The following NKAPL variants were observed in gnomAD, a reference collection of about 807,000 sequenced individuals.
The protein encoded by NKAPL is NFKB activating protein like.
In NKAPL, 7 loss-of-function variants were observed where a neutral mutation model predicts 14.7. The observed-to-expected ratio is 0.48, with a 90% CI of 0.27 to 0.89. The LOEUF is 0.89. NKAPL is among the 40% of genes least tolerant of loss of function. The probability of loss-of-function intolerance (pLI) is 0.12; values close to 1 mark genes in which losing one functional copy is unlikely to be tolerated. For missense variants in NKAPL, 466 were observed against 494.1 expected (o/e 0.94, Z 0.54); for synonymous variants, 192 against 179.9 (o/e 1.07, Z -0.54).
chr6:28,259,824 T>A lies in NKAPL; in HGVS notation c.453T>A (p.His151Gln), dbSNP rs760758361. The A allele has an allele frequency of 1.1e-5, 18 of 1,614,028 alleles. No individual in the cohort carries two copies. The highest frequency in any genetic ancestry group is 1.7e-6 in the Non-Finnish European group (2 of 1,180,032). The change falls in exon 1 of 1, where the codon CAT becomes CAA. Residue 151 changes from histidine to glutamine, a missense_variant. His to Gln is a conservative substitution (Grantham distance 24, BLOSUM62 0). Coordinates refer to ENST00000343684, the MANE Select transcript of NKAPL (RefSeq NM_001007531.3). Reference sequence around the variant, plus strand: ...TCCCTCAGCTAGATTCTGACGAACATACCCCAGTTGAGGATGAAGAAGAGG... The same window carrying A: ...TCCCTCAGCTAGATTCTGACGAACAAACCCCAGTTGAGGATGAAGAAGAGG... ...PKFPQLDSDEHTPVEDEEEVT... is the reference protein window; with the variant it reads ...PKFPQLDSDEQTPVEDEEEVT...
Position 28,260,444 on chromosome 6 carries a change from A to G in NKAPL, c.1073A>G (p.Asn358Ser). ...RMEAVRLRKENQIYSADEKRA... is the reference protein window; with the variant it reads ...RMEAVRLRKESQIYSADEKRA... ...GAGGCTGTACGACTGCGTAAGGAGA[A>G]CCAGATCTACAGTGCTGATGAGAAG... The change falls in exon 1 of 1, where the codon AAC (asparagine) becomes AGC (serine). Residue 358 changes from asparagine to serine, a missense_variant. Physicochemically the swap from Asn to Ser is conservative, Grantham distance 46. Coordinates refer to ENST00000343684, the MANE Select transcript of NKAPL (RefSeq NM_001007531.3). The G allele has an allele frequency of 1.2e-6, 2 of 1,614,126 alleles. No individual in the cohort carries two copies. The highest frequency in any genetic ancestry group is 2.2e-5 in the East Asian group (1 of 44,870).
In NKAPL at chr6:28,260,399, G is replaced by T; in HGVS notation, c.1028G>T (p.Gly343Val). The change falls in exon 1 of 1, where the codon GGT (glycine) becomes GTT (valine). Residue 343 changes from glycine (G) to valine (V), a missense_variant. Gly to Val is a moderately radical substitution (Grantham distance 109). Coordinates refer to ENST00000343684, the MANE Select transcript of NKAPL (RefSeq NM_001007531.3). ...SFECSGYVMSGSRHRRMEAVR... is the reference protein window; with the variant it reads ...SFECSGYVMSVSRHRRMEAVR... The stretch of plus-strand genomic sequence containing the variant: ...GAATGCTCAGGTTATGTCATGAGTG[G>T]TAGCAGGCATCGCAGAATGGAGGCT... The T allele has an allele frequency of 6.2e-7, 1 of 1,614,170 alleles. No individual in the cohort carries two copies. Among genetic ancestry groups the T allele is most frequent in the Non-Finnish European group, 8.5e-7 (1 of 1,180,036 alleles).
At position 28,260,364 on chromosome 6, in the gene NKAPL, C is replaced by T. The variant is rs140336392; in HGVS notation, c.993C>T (p.Ile331=). ...RGEIGLTSEE[I]GSFECSGYVM... Reference sequence around the variant, plus strand: ...AAATTGGGTTGACAAGTGAAGAGATCGGTTCTTTTGAATGCTCAGGTTATG... The same window carrying T: ...AAATTGGGTTGACAAGTGAAGAGATTGGTTCTTTTGAATGCTCAGGTTATG... The change falls in exon 1 of 1, where the codon ATC becomes ATT. Residue 331 remains isoleucine (I), a synonymous_variant. Coordinates refer to ENST00000343684, the MANE Select transcript of NKAPL (RefSeq NM_001007531.3). 6.8e-6 allele frequency: 11 copies of T among 1,613,968 alleles called. No homozygotes were observed. The South Asian group carries it at 9.9e-5, about 14-fold the overall frequency.
Position 28,260,119 on chromosome 6 carries a change from G to T in NKAPL, c.748G>T (p.Asp250Tyr), listed in dbSNP as rs1269535354. The change falls in exon 1 of 1, where the codon GAC becomes TAC. Residue 250 changes from aspartate (D) to tyrosine (Y), a missense_variant. Physicochemically the swap from Asp to Tyr is radical, Grantham distance 160 (BLOSUM62 -3). Coordinates refer to ENST00000343684, the MANE Select transcript of NKAPL (RefSeq NM_001007531.3). ...KNKKTKKESS[D>Y]SSCKDSEEDL... ...TAAGAAAACCAAAAAAGAATCCAGT[G>T]ACTCAAGCTGTAAAGACTCAGAAGA... 2 of 1,594,940 alleles carry T rather than the reference G, an allele frequency of 1.3e-6. No individual in the cohort carries two copies. The highest frequency in any genetic ancestry group is 1.8e-5 in the Admixed American group (1 of 54,644).
chr6:28,260,307 A>G lies in NKAPL; in HGVS notation c.936A>G (p.Val312=). 6.2e-7 allele frequency: 1 copy of G among 1,614,236 alleles called. No individual in the cohort carries two copies. Among genetic ancestry groups the G allele is most frequent in the Non-Finnish European group, 8.5e-7 (1 of 1,180,032 alleles). The part of the protein sequence containing the change: ...PGEGAAMAEY[V]KAGKRIPRRG... ...AAGGTGCAGCTATGGCTGAGTATGT[A>G]AAAGCTGGAAAGCGAATCCCACGAA... is the stretch of plus-strand genomic sequence containing the variant. Residue 312 remains valine, a synonymous_variant, in exon 1 of 1, where the codon GTA becomes GTG. Coordinates refer to ENST00000343684, the MANE Select transcript of NKAPL (RefSeq NM_001007531.3).
Position 28,260,034 on chromosome 6 carries a change from G to A in NKAPL, c.663G>A (p.Lys221=). The change falls in exon 1 of 1, where the codon AAG becomes AAA. Residue 221 remains lysine, a synonymous_variant. Transcript: ENST00000343684. ...ATTCTGACTCTGATGATGATAAAAA[G>A]AGAGTTAAAGCCAAGAAGAAAAAGA... ...DTNSDSDDDK[K]RVKAKKKKKK... 1 of 1,592,514 alleles carries A rather than the reference G, an allele frequency of 6.3e-7. No homozygotes were observed. Among genetic ancestry groups the A allele is most frequent in the East Asian group, 2.2e-5 (1 of 44,804 alleles).
chr6:28,259,365 G>A lies in NKAPL; in HGVS notation c.-7G>A, dbSNP rs753139756. On this transcript the variant is annotated 5_prime_UTR_variant, in exon 1 of 1. Coordinates refer to ENST00000343684, the MANE Select transcript of NKAPL (RefSeq NM_001007531.3). ...TGTAGCAACCGCCCAGCGTTGAGGC[G>A]CGGCTCATGCCCCCAGTATCCCGGT... 3.9e-6 allele frequency: 6 copies of A among 1,558,384 alleles called. No homozygotes were observed. In the African/African-American group the frequency reaches 8.1e-5, roughly 21 times the overall value.
rs770692928 is a variant in NKAPL at position 28,259,569 on chromosome 6, T to C, written c.198T>C (p.Phe66=). ...TGGACGTGGGCGCTCTTTACCCCTT[T>C]AGTCGCTCTGGGTCGCGAGGGCGGC... is the stretch of plus-strand genomic sequence containing the variant. The part of the protein sequence containing the change: ...SELDVGALYP[F]SRSGSRGRLP... Residue 66 remains phenylalanine, a synonymous_variant, in exon 1 of 1, where the codon TTT becomes TTC. Coordinates refer to ENST00000343684, the MANE Select transcript of NKAPL (RefSeq NM_001007531.3). 6.2e-7 allele frequency: 1 copy of C among 1,613,304 alleles called. No homozygotes were observed. The highest frequency in any genetic ancestry group is 8.5e-7 in the Non-Finnish European group (1 of 1,179,194).
Position 28,260,372 on chromosome 6 carries a change from T to C in NKAPL, c.1001T>C (p.Phe334Ser). The C allele has an allele frequency of 6.2e-7, 1 of 1,614,150 alleles. No individual in the cohort carries two copies. The highest frequency in any genetic ancestry group is 8.5e-7 in the Non-Finnish European group (1 of 1,180,022). The part of the protein sequence containing the change: ...IGLTSEEIGS[F>S]ECSGYVMSGS... ...TTGACAAGTGAAGAGATCGGTTCTT[T>C]TGAATGCTCAGGTTATGTCATGAGT... The change falls in exon 1 of 1, where the codon TTT becomes TCT. Residue 334 changes from phenylalanine (F) to serine (S), a missense_variant. Coordinates refer to ENST00000343684, the MANE Select transcript of NKAPL (RefSeq NM_001007531.3).
Position 28,259,560 on chromosome 6 carries a change from T to G in NKAPL, c.189T>G (p.Leu63=). The part of the protein sequence containing the change: ...PPWSELDVGA[L]YPFSRSGSRG... ...GGAGTGAGTTGGACGTGGGCGCTCT[T>G]TACCCCTTTAGTCGCTCTGGGTCGC... is the stretch of plus-strand genomic sequence containing the variant. The change falls in exon 1 of 1, where the codon CTT becomes CTG. Residue 63 remains leucine, a synonymous_variant. Coordinates refer to ENST00000343684, the MANE Select transcript of NKAPL (RefSeq NM_001007531.3). 6.2e-7 allele frequency: 1 copy of G among 1,614,082 alleles called. No homozygotes were observed. Among genetic ancestry groups the G allele is most frequent in the Non-Finnish European group, 8.5e-7 (1 of 1,179,900 alleles).
In NKAPL at chr6:28,259,452, A is replaced by G. The variant is rs1317439514; in HGVS notation, c.81A>G (p.Pro27=). ...GGCGACGCAGCTCCTCGGGGAGCCC[A>G]CCATCCCCGCAGAGCAGATGTTCCT... ...RRRRRSSSGS[P]PSPQSRCSSW... Residue 27 remains proline (P), a synonymous_variant, in exon 1 of 1, where the codon CCA becomes CCG. Coordinates refer to ENST00000343684, the MANE Select transcript of NKAPL (RefSeq NM_001007531.3). The G allele has an allele frequency of 4.3e-6, 7 of 1,613,216 alleles. No homozygotes were observed. Among genetic ancestry groups the G allele is most frequent in the Non-Finnish European group, 5.9e-6 (7 of 1,179,448 alleles).
Position 28,260,118 on chromosome 6 carries a change from T to C in NKAPL, c.747T>C (p.Ser249=), listed in dbSNP as rs1448400106. Residue 249 remains serine (S), a synonymous_variant, in exon 1 of 1, where the codon AGT becomes AGC. Coordinates refer to ENST00000343684, the MANE Select transcript of NKAPL (RefSeq NM_001007531.3). ...KKNKKTKKES[S]DSSCKDSEED... ...ATAAGAAAACCAAAAAAGAATCCAG[T>C]GACTCAAGCTGTAAAGACTCAGAAG... The C allele has an allele frequency of 6.3e-7, 1 of 1,589,902 alleles. No individual in the cohort carries two copies. Among genetic ancestry groups the C allele is most frequent in the South Asian group, 1.2e-5 (1 of 85,326 alleles).
Position 28,260,314 on chromosome 6 carries a change from G to A in NKAPL, c.943G>A (p.Gly315Arg). Residue 315 changes from glycine to arginine, a missense_variant, in exon 1 of 1, where the codon GGA (glycine) becomes AGA (arginine). Transcript: ENST00000343684. Reference protein sequence around the residue: ...GAAMAEYVKAGKRIPRRGEIG... With the variant: ...GAAMAEYVKARKRIPRRGEIG... Reference sequence around the variant, plus strand: ...AGCTATGGCTGAGTATGTAAAAGCTGGAAAGCGAATCCCACGAAGAGGTGA... The same window carrying A: ...AGCTATGGCTGAGTATGTAAAAGCTAGAAAGCGAATCCCACGAAGAGGTGA... 1 of 1,614,156 alleles carries A rather than the reference G, an allele frequency of 6.2e-7. No homozygotes were observed. Among genetic ancestry groups the A allele is most frequent in the South Asian group, 1.1e-5 (1 of 91,078 alleles).
chr6:28,259,583 C>T lies in NKAPL; in HGVS notation c.212C>T (p.Ser71Leu), dbSNP rs1306384118. 1 of 1,614,082 alleles carries T rather than the reference C, an allele frequency of 6.2e-7. No individual in the cohort carries two copies. Reference protein sequence around the residue: ...GALYPFSRSGSRGRLPRFRNY... With the variant: ...GALYPFSRSGLRGRLPRFRNY... ...CTTTACCCCTTTAGTCGCTCTGGGTCGCGAGGGCGGCTCCCAAGATTCCGC... is the reference window on the plus strand; with the variant it reads ...CTTTACCCCTTTAGTCGCTCTGGGTTGCGAGGGCGGCTCCCAAGATTCCGC... The change falls in exon 1 of 1, where the codon TCG becomes TTG. Residue 71 changes from serine (S) to leucine (L), a missense_variant. Coordinates refer to ENST00000343684, the MANE Select transcript of NKAPL (RefSeq NM_001007531.3).
At position 28,259,767 on chromosome 6, in the gene NKAPL, A is replaced by G. The variant is rs1209249394; in HGVS notation, c.396A>G (p.Gly132=). The part of the protein sequence containing the change: ...LKERERIGEL[G]APEVWGPSPK... ...AGAGAGAGAGGATTGGGGAATTGGG[A>G]GCGCCTGAAGTGTGGGGGCCGTCTC... is the stretch of plus-strand genomic sequence containing the variant. Residue 132 remains glycine, a synonymous_variant, in exon 1 of 1, where the codon GGA becomes GGG. Coordinates refer to ENST00000343684, the MANE Select transcript of NKAPL (RefSeq NM_001007531.3). 3 of 1,614,068 alleles carry G rather than the reference A, an allele frequency of 1.9e-6. No individual in the cohort carries two copies. The African/African-American group carries it at 4.0e-5, about 22-fold the overall frequency.
At position 28,259,343 on chromosome 6, in the gene NKAPL, A is replaced by C; in HGVS notation, c.-29A>C. The C allele has an allele frequency of 6.6e-7, 1 of 1,526,180 alleles. No homozygotes were observed. The highest frequency in any genetic ancestry group is 8.8e-7 in the Non-Finnish European group (1 of 1,133,464). 94.5% of individuals were successfully genotyped at this position (1,526,180 alleles called of 1,614,324 possible). ...ATCACCAGCCAGCCTCTGGGTCTGT[A>C]GCAACCGCCCAGCGTTGAGGCGCGG... On this transcript the variant is annotated 5_prime_UTR_variant, in exon 1 of 1. Coordinates refer to ENST00000343684, the MANE Select transcript of NKAPL (RefSeq NM_001007531.3).
chr6:28,259,921 A>C lies in NKAPL; in HGVS notation c.550A>C (p.Arg184=). 1 of 1,610,222 alleles carries C rather than the reference A, an allele frequency of 6.2e-7. No homozygotes were observed. Among genetic ancestry groups the C allele is most frequent in the South Asian group, 1.1e-5 (1 of 90,096 alleles). The change falls in exon 1 of 1, where the codon AGA becomes CGA. Residue 184 remains arginine, a synonymous_variant. Transcript: ENST00000343684. ...TAGGAAAAAGAAGACCAGTCGTTCA[A>C]GAAACAAGAAAAAAAGAAAGAATAA... ...EHRKKKTSRS[R]NKKKRKNKSS... is the part of the protein sequence containing the mutation.
rs1461396340 is a variant in NKAPL at position 28,259,650 on chromosome 6, A to C, written c.279A>C (p.Gly93=). ...CCTCCTGGTCGACCTCGTATAGTGG[A>C]TATCGCTACCATCGTCACTGCTATG... The part of the protein sequence containing the change: ...FASSWSTSYS[G]YRYHRHCYAE... Residue 93 remains glycine, a synonymous_variant, in exon 1 of 1, where the codon GGA becomes GGC. Transcript: ENST00000343684. 12 of 1,614,120 alleles carry C rather than the reference A, an allele frequency of 7.4e-6. No individual in the cohort carries two copies. In the Admixed American group the frequency reaches 8.3e-5, roughly 11 times the overall value.
Position 28,260,567 on chromosome 6 carries a change from A to G in NKAPL, c.1196A>G (p.Lys399Arg). The change falls in exon 1 of 1, where the codon AAA (lysine) becomes AGA (arginine). Residue 399 changes from lysine (K) to arginine (R), a missense_variant. Transcript: ENST00000343684. ...REMVHKKTKEKDDK is the reference protein window; with the variant it reads ...REMVHKKTKERDDK Reference sequence around the variant, plus strand: ...ATGGTGCACAAAAAGACAAAAGAGAAAGATGACAAGTAAGGACTTACTTGT... The same window carrying G: ...ATGGTGCACAAAAAGACAAAAGAGAGAGATGACAAGTAAGGACTTACTTGT... 1.9e-6 allele frequency: 3 copies of G among 1,610,808 alleles called. No individual in the cohort carries two copies. The highest frequency in any genetic ancestry group is 2.5e-6 in the Non-Finnish European group (3 of 1,178,602).
Sources: allele counts gnomAD v4.1 joint callset, GRCh38; gene constraint gnomAD v4.1.1; transcripts MANE v1.5; gene names NCBI Gene and HGNC (gene_info 2026-07-23, HGNC 2026-07-21).